Variants in LRRC7 observed in about 807,000 individuals in gnomAD.
LRRC7 encodes leucine rich repeat containing 7, also known as leucine-rich repeat-containing protein 7.
A neutral mutation model predicts 175.7 loss-of-function variants in LRRC7; 23 were observed. The observed-to-expected ratio is 0.13, with a 90% confidence interval of 0.09 to 0.19. The LOEUF is 0.19. LRRC7 is among the 10% of genes least tolerant of loss of function. The probability of loss-of-function intolerance (pLI) is 1.00; values close to 1 mark genes in which losing one functional copy is unlikely to be tolerated. For missense variants in LRRC7, 1,354 were observed against 1,904.7 expected, an observed-to-expected ratio of 0.71 and a Z score of 5.38; for synonymous variants, 685 against 680.9, an observed-to-expected ratio of 1.01 and a Z score of -0.09.
intron 7 of LRRC7, among the ~76,000 whole-genome samples, chr1:69,929,639 A>G (rs1419362238): frequency 6.6e-6 from 1 of 152,146 alleles, no homozygotes; most frequent in Non-Finnish European, 1.5e-5. Flanking sequence ...CCAAGCCACC[A>G]TCACCTCTTA....
At chr1:69,624,529 A>C (rs748111829) in intron 1 of LRRC7, among the ~76,000 whole-genome samples, 2 of 152,194 alleles carry the variant, frequency 1.3e-5, no homozygotes. Context: ...CAAATTTATT[A>C]ATCTTTTTTC....
At chr1:70,019,693 T>C (rs182612687) in intron 15 of LRRC7, among the ~76,000 whole-genome samples, 238 of 152,112 alleles carry the variant, frequency 1.6e-3, no homozygotes, top group Non-Finnish European at 2.8e-3. Flanking sequence ...TATTTTAGGA[T>C]ATTTTTCTTT....
Position 70,039,730 on chromosome 1 carries a change from T to A in LRRC7, c.3906T>A (p.Gly1302=). The change falls in exon 21 of 27, where the codon GGT becomes GGA. Residue 1302 remains glycine (G), a synonymous_variant. Coordinates refer to ENST00000651989, the MANE Select transcript of LRRC7 (RefSeq NM_001370785.2). ...CTGTGAAGGGAGAGGAGAGCTGTGG[T>A]AAAATGCCTGCAGACTGGAGACAAC... is the stretch of plus-strand genomic sequence containing the variant. ...PTPVKGEESC[G]KMPADWRQQL... 1.2e-6 allele frequency: 2 copies of A among 1,613,660 alleles called. No individual in the cohort carries two copies. The highest frequency in any genetic ancestry group is 1.7e-6 in the Non-Finnish European group (2 of 1,179,808).
At chr1:69,961,069 A>G (rs957638329) in intron 8 of LRRC7, among the ~76,000 whole-genome samples, 2 of 152,166 alleles carry the variant, frequency 1.3e-5, no homozygotes, top group East Asian at 1.9e-4. Flanking sequence ...ACATGATCCT[A>G]TATCTAGAAA....
chr1:69,693,383 G>C (rs192493110), intron 2 of LRRC7, among the ~76,000 whole-genome samples: 1 of 152,162 alleles, frequency 6.6e-6, no homozygotes, highest in East Asian at 1.9e-4. Context: ...TGTATGTATA[G>C]AGAGAGATTT....
intron 8 of LRRC7, among the ~76,000 whole-genome samples, chr1:69,970,822 A>G (rs1652157824): frequency 6.6e-6 from 1 of 152,138 alleles, no homozygotes; most frequent in South Asian, 2.1e-4. Flanking sequence ...AAAGGACATA[A>G]TCAAAAAAGA....
chr1:69,824,062 A>C (rs969724254), intron 4 of LRRC7, among the ~76,000 whole-genome samples: 3 of 152,226 alleles, frequency 2.0e-5, no homozygotes, highest in Admixed American at 6.5e-5. Context: ...TTCCATTTTC[A>C]GTAGAAGATA....
intron 10 of LRRC7, among the ~76,000 whole-genome samples, chr1:69,993,071 CACA>C (rs1306623065): frequency 1.3e-5 from 2 of 152,098 alleles, no homozygotes; most frequent in Non-Finnish European, 2.9e-5. Flanking sequence ...GTTTTCTTTC[CACA>C]ACTCAAAAAC....
intron 23 of LRRC7, among the ~76,000 whole-genome samples, chr1:70,064,432 G>A (rs879520023): frequency 5.3e-5 from 8 of 151,700 alleles, no homozygotes; most frequent in Non-Finnish European, 5.9e-5. Context: ...GAAATTGAGC[G>A]ATACAGGATT....
chr1:69,929,904 T>C lies in LRRC7; in HGVS notation c.648-1603T>C, dbSNP rs1382362113. 5.3e-5 allele frequency among the ~76,000 whole-genome samples: 8 copies of C among 152,266 alleles called. No homozygotes were observed. The East Asian group carries it at 5.8e-4, about 11-fold the overall frequency. ...TACTCCTCCCTCTCTCTCTCTTCTT[T>C]AGCCATACTGGTCTGCTAGGATGTC... On this transcript the variant is annotated intron_variant, in intron 7 of 26. Transcript: ENST00000651989.
At chr1:69,889,475 T>C (rs1304235176) in intron 7 of LRRC7, among the ~76,000 whole-genome samples, 6 of 152,202 alleles carry the variant, frequency 3.9e-5, no homozygotes, top group Non-Finnish European at 5.9e-5. Context: ...ATTTCAACAA[T>C]GTTCACAGCA....
At chr1:70,092,707 T>C (rs1208001083) in intron 25 of LRRC7, among the ~76,000 whole-genome samples, 1 of 152,130 alleles carries the variant, frequency 6.6e-6, no homozygotes, top group Non-Finnish European at 1.5e-5. Context: ...AAGTGAACTA[T>C]ATTGTTCGGT....
At chr1:69,920,130 A>T (rs1298726050) in intron 7 of LRRC7, 1 of 209,682 alleles carries the variant, frequency 4.8e-6, no homozygotes, top group Non-Finnish European at 9.5e-6. Context: ...TTCCAAAGAG[A>T]AGATCTGGTC....
intron 2 of LRRC7, among the ~76,000 whole-genome samples, chr1:69,719,636 G>T (rs921890859): frequency 2.6e-5 from 4 of 151,434 alleles, no homozygotes; most frequent in African/African-American, 9.7e-5. Context: ...TATTTAGAAA[G>T]ATTACTCTTA....
At chr1:69,608,848 CTCTCTCTCTCTCTCTCTCTATATA>C (rs1216751949) in intron 1 of LRRC7, among the ~76,000 whole-genome samples, 2,015 of 52,278 alleles carry the variant, frequency 0.039, 7 homozygotes, top group Admixed American at 0.06. Flanking sequence ...CTCTCTCTCT[CTCTCTCTCTCTCTCTCTCTATATA>C]TATATATATA....
chr1:69,751,650 C>T (rs1454734698), intron 2 of LRRC7, among the ~76,000 whole-genome samples: 3 of 152,038 alleles, frequency 2.0e-5, no homozygotes, highest in Non-Finnish European at 4.4e-5. Flanking sequence ...TTTGGCATCT[C>T]ATTAAGCCGT....
intron 2 of LRRC7, among the ~76,000 whole-genome samples, chr1:69,731,929 C>G (rs1320399471): frequency 6.6e-6 from 1 of 152,126 alleles, no homozygotes; most frequent in Non-Finnish European, 1.5e-5. Flanking sequence ...GTCCTCTCTA[C>G]TGTCCCTAAA....
rs568477714 is a variant in LRRC7 at position 69,992,002 on chromosome 1, T to A, written c.932-2559T>A. On this transcript the variant is annotated intron_variant, in intron 10 of 26. Coordinates refer to ENST00000651989, the MANE Select transcript of LRRC7 (RefSeq NM_001370785.2). ...TGCTTAATAATTTATCTTACTCACT[T>A]AAAGGTTAAGGGCATGGGCTTTATA... 1.5e-3 allele frequency among the ~76,000 whole-genome samples: 226 copies of A among 152,256 alleles called. 7 individuals carry two copies. Among genetic ancestry groups the A allele is most frequent in the Admixed American group, 0.015 (224 of 15,278 alleles).
chr1:70,075,790 C>A (rs1227932604), intron 23 of LRRC7, among the ~76,000 whole-genome samples: 1 of 152,116 alleles, frequency 6.6e-6, no homozygotes, highest in Non-Finnish European at 1.5e-5. Context: ...TAATTTTCTT[C>A]CTGAGATTTT....
Sources: allele counts gnomAD v4.1 joint callset (sites outside exome capture counted in the v4.1 genomes callset), GRCh38; gene constraint gnomAD v4.1.1; transcripts MANE v1.5; gene names NCBI Gene and HGNC (gene_info 2026-07-23, HGNC 2026-07-21).